Variants in TBC1D12 observed in about 807,000 individuals in gnomAD.
The protein encoded by TBC1D12 is TBC1 domain family member 12, also known as TBC1 domain family, member 12.
Under a neutral mutation model 86.7 loss-of-function variants are expected in TBC1D12, and 56 were observed. The ratio of observed to expected loss-of-function variants is 0.65; its 90% CI spans 0.52 to 0.81. The LOEUF (loss-of-function observed/expected upper bound fraction) is 0.81, where lower values mean the gene tolerates loss of function less well. Ranked by LOEUF, TBC1D12 falls within the 30% of genes least tolerant of loss-of-function variation. TBC1D12 has a pLI of 0.00. For synonymous variants in TBC1D12, 421 were observed against 411.7 expected (o/e 1.02, Z -0.27); for missense variants, 1,023 against 1,038.8 (o/e 0.98, Z 0.21).
At chr10:94,479,123 TA>T (rs1198978639) in intron 3 of TBC1D12, among the ~76,000 whole-genome samples, 1 of 152,156 alleles carries the variant, frequency 6.6e-6, no homozygotes, top group African/African-American at 2.4e-5. Context: ...AGAGGAACTT[TA>T]ATAGAGGAAT....
At chr10:94,404,350 G>A (rs1475350158) in intron 1 of TBC1D12, among the ~76,000 whole-genome samples, 2 of 151,944 alleles carry the variant, frequency 1.3e-5, no homozygotes, top group Non-Finnish European at 2.9e-5. Context: ...GGATATTCTT[G>A]AAATTAAATT....
At position 94,468,733 on chromosome 10, in the gene TBC1D12, T is replaced by G. The variant is rs544719988; in HGVS notation, c.1096-5935T>G. ...GTCTGTGGGTGTAGTTTGACAACAT[T>G]TCAGCCATTATTGTCTTAAATATTG... On this transcript the variant is annotated intron_variant, in intron 2 of 12. Transcript: ENST00000225235. 5.9e-5 allele frequency among the ~76,000 whole-genome samples: 9 copies of G among 152,292 alleles called. No individual in the cohort carries two copies. The East Asian group carries it at 1.7e-3, about 29-fold the overall frequency.
intron 7 of TBC1D12, chr10:94,509,367 A>G (rs1411667977): frequency 6.6e-6 from 1 of 152,258 alleles, no homozygotes; most frequent in Non-Finnish European, 1.5e-5. Flanking sequence ...TGCTAGGATT[A>G]CAGGCATGAG....
intron 1 of TBC1D12, among the ~76,000 whole-genome samples, chr10:94,417,945 G>A (rs1181960582): frequency 6.6e-6 from 1 of 151,690 alleles, no homozygotes; most frequent in African/African-American, 2.4e-5. Context: ...TAGTAGAGGT[G>A]GGGTTTCACC....
At chr10:94,532,239 G>A (rs1410162300) in intron 12 of TBC1D12, among the ~76,000 whole-genome samples, 1 of 152,102 alleles carries the variant, frequency 6.6e-6, no homozygotes, top group East Asian at 1.9e-4. Flanking sequence ...GTGCAGTGGT[G>A]TGATCTTGGC....
intron 2 of TBC1D12, among the ~76,000 whole-genome samples, chr10:94,448,779 C>T (rs564147604): frequency 5.3e-5 from 8 of 152,228 alleles, no homozygotes; most frequent in Admixed American, 2.0e-4. Context: ...ATGCCTGGCC[C>T]GAAAAGTTTA....
At chr10:94,441,775 G>T in intron 1 of TBC1D12, 121 bp from the exon 2 acceptor site, 1 of 944,102 alleles carries the variant, frequency 1.1e-6, no homozygotes, top group Non-Finnish European at 1.6e-6. Flanking sequence ...ATAAGTAGTA[G>T]AAATAGTTTT....
chr10:94,522,608 G>A (rs1397533173), intron 11 of TBC1D12, among the ~76,000 whole-genome samples, 155 bp downstream of exon 11: 2 of 152,072 alleles, frequency 1.3e-5, no homozygotes, highest in African/African-American at 2.4e-5. Flanking sequence ...TTGTGGGGAC[G>A]CATTTGATTA....
chr10:94,489,390 G>A (rs888176317), intron 3 of TBC1D12, among the ~76,000 whole-genome samples: 1 of 152,206 alleles, frequency 6.6e-6, no homozygotes, highest in Non-Finnish European at 1.5e-5. Context: ...GGGGTTGGGG[G>A]AGGGGTGGTG....
Position 94,534,592 on chromosome 10 carries a change from A to G in TBC1D12, c.*1496A>G, listed in dbSNP as rs1156967796. The G allele has an allele frequency of 6.6e-6, 1 of 152,232 alleles. No homozygotes were observed. The highest frequency in any genetic ancestry group is 1.5e-5 in the Non-Finnish European group (1 of 68,034). 9.4% of individuals were successfully genotyped at this position (152,232 alleles called of 1,614,324 possible). A position where few individuals can be genotyped will look rare whatever the true frequency, so the allele number is the denominator to read the frequency against. ...TGCCAACTCTAGGAAGTAGTGCTGCATGATTGAATCATTATTTGATGAATT... is the reference window on the plus strand; with the variant it reads ...TGCCAACTCTAGGAAGTAGTGCTGCGTGATTGAATCATTATTTGATGAATT... On this transcript the variant is annotated 3_prime_UTR_variant, in exon 13 of 13. Transcript: ENST00000225235.
chr10:94,440,209 G>C (rs2134088581), intron 1 of TBC1D12, among the ~76,000 whole-genome samples: 1 of 150,352 alleles, frequency 6.7e-6, no homozygotes, highest in Non-Finnish European at 1.5e-5. Context: ...TTGCTCTGTT[G>C]CCCAGGCTGC....
intron 3 of TBC1D12, among the ~76,000 whole-genome samples, chr10:94,477,530 G>A (rs2056009649): frequency 6.6e-6 from 1 of 152,144 alleles, no homozygotes; most frequent in African/African-American, 2.4e-5. Context: ...GTACTAAAGT[G>A]GAACTTTGTA....
chr10:94,430,825 C>G (rs984351975), intron 1 of TBC1D12, among the ~76,000 whole-genome samples: 2 of 152,154 alleles, frequency 1.3e-5, no homozygotes, highest in African/African-American at 4.8e-5. Flanking sequence ...TCTTTTTCAA[C>G]TATATGTTTT....
chr10:94,441,161 T>G (rs1346075784), intron 1 of TBC1D12, among the ~76,000 whole-genome samples: 3 of 151,816 alleles, frequency 2.0e-5, no homozygotes, highest in Non-Finnish European at 4.4e-5. Context: ...GTTTTGTTTT[T>G]TTTTTTCTAG....
At chr10:94,426,425 T>C in intron 1 of TBC1D12, among the ~76,000 whole-genome samples, 1 of 152,212 alleles carries the variant, frequency 6.6e-6, no homozygotes, top group East Asian at 1.9e-4. Context: ...TCTGTGTCCA[T>C]TGATGTAATT....
At chr10:94,458,059 C>G (rs527372601) in intron 2 of TBC1D12, among the ~76,000 whole-genome samples, 4 of 152,146 alleles carry the variant, frequency 2.6e-5, no homozygotes, top group African/African-American at 9.6e-5. Flanking sequence ...TAAACTGTTG[C>G]TATGGTTTGA....
intron 1 of TBC1D12, among the ~76,000 whole-genome samples, chr10:94,412,704 G>T (rs1038933602): frequency 3.3e-5 from 5 of 151,620 alleles, no homozygotes; most frequent in Non-Finnish European, 5.9e-5. Context: ...GAAACATTTG[G>T]AGATTTTGAG....
intron 1 of TBC1D12, among the ~76,000 whole-genome samples, chr10:94,404,595 T>G (rs1349778670): frequency 6.7e-6 from 1 of 149,480 alleles, no homozygotes; most frequent in Non-Finnish European, 1.5e-5. Context: ...GCAGTGAACC[T>G]AGATCGTGCC....
At position 94,535,528 on chromosome 10, in the gene TBC1D12, C is replaced by T. The variant is rs967463085; in HGVS notation, c.*2432C>T. ...ATGGGTCATTCTAGTCTAAGGACTA[C>T]TAGTAGAACCCTCAAAAGGTAATTG... On this transcript the variant is annotated 3_prime_UTR_variant, in exon 13 of 13. Transcript: ENST00000225235. 1 of 152,114 alleles carries T rather than the reference C, an allele frequency of 6.6e-6. No individual in the cohort carries two copies. The highest frequency in any genetic ancestry group is 1.5e-5 in the Non-Finnish European group (1 of 68,002). The allele number at this position is 152,114 out of a possible 1,614,324, so 9.4% of individuals were successfully genotyped here. A position where few individuals can be genotyped will look rare whatever the true frequency, so the allele number is the denominator to read the frequency against.
Sources: gnomAD v4.1 joint callset for allele counts (sites outside exome capture counted in the v4.1 genomes callset) on GRCh38, gnomAD v4.1.1 for gene constraint, MANE v1.5 for transcripts, NCBI Gene and HGNC (gene_info 2026-07-23, HGNC 2026-07-21) for gene names.